The following CNOT1 variants were observed in gnomAD, a reference collection of about 807,000 sequenced individuals.
CNOT1 encodes the protein CCR4-NOT transcription complex subunit 1.
A neutral mutation model predicts 273.8 loss-of-function variants in CNOT1; 15 were observed. That is an observed-to-expected ratio of 0.05 (90% CI 0.04 to 0.08). CNOT1 has a LOEUF of 0.08. Ranked by LOEUF, CNOT1 falls within the 10% of genes least tolerant of loss-of-function variation. The pLI is 1.00. For synonymous variants in CNOT1, 1,022 were observed against 1,005.5 expected (o/e 1.02, Z -0.31); for missense variants, 1,644 against 2,912.2 (o/e 0.56, Z 10.02).
intron 17 of CNOT1, 24 bp from the exon 18 acceptor site, chr16:58,558,698 G>T (rs1255001962): frequency 6.2e-7 from 1 of 1,604,818 alleles, no homozygotes; most frequent in Non-Finnish European, 8.5e-7. Flanking sequence ...TTATAAAAAT[G>T]TATTAAACAT....
intron 1 of CNOT1, among the ~76,000 whole-genome samples, chr16:58,608,753 A>G (rs112460469): frequency 6.6e-6 from 1 of 152,192 alleles, no homozygotes; most frequent in Non-Finnish European, 1.5e-5. Flanking sequence ...AAACTGTGGT[A>G]TATATATACA....
intron 2 of CNOT1, among the ~76,000 whole-genome samples, chr16:58,598,801 C>A (rs537619408): frequency 1.4e-4 from 21 of 152,160 alleles, no homozygotes; most frequent in African/African-American, 4.3e-4. Context: ...GTGGCTCACG[C>A]CTGTAATCCC....
At chr16:58,593,589 C>G (rs142657407) in intron 2 of CNOT1, among the ~76,000 whole-genome samples, 2,222 of 148,710 alleles carry the variant, frequency 0.015, 45 homozygotes, top group African/African-American at 0.052. Flanking sequence ...AAAAAGTTAG[C>G]CAGGCATGGT....
At chr16:58,580,998 AGGG>A (rs1158431892) in intron 11 of CNOT1, among the ~76,000 whole-genome samples, 1 of 28,522 alleles carries the variant, frequency 3.5e-5, no homozygotes, top group African/African-American at 2.0e-4. Flanking sequence ...TGAGCCAATT[AGGG>A]AAACTTAACG....
chr16:58,552,674 T>C (rs940246779), intron 22 of CNOT1, among the ~76,000 whole-genome samples: 1 of 152,198 alleles, frequency 6.6e-6, no homozygotes, highest in Non-Finnish European at 1.5e-5. Flanking sequence ...TAGAGAACAC[T>C]GAACTAAATT....
intron 1 of CNOT1, among the ~76,000 whole-genome samples, chr16:58,602,702 G>C (rs2042518571): frequency 6.6e-6 from 1 of 151,578 alleles, no homozygotes; most frequent in South Asian, 2.1e-4. Flanking sequence ...CCTCACTCCA[G>C]CCTGGGCAAC....
At chr16:58,572,349 G>A (rs1240588972) in intron 16 of CNOT1, among the ~76,000 whole-genome samples, 3 of 152,086 alleles carry the variant, frequency 2.0e-5, no homozygotes, top group Admixed American at 6.5e-5. Flanking sequence ...TACAAAGATA[G>A]GCCAGGTGCA....
chr16:58,539,480 C>CACACATACACACACACACACAG (rs1555494953), intron 35 of CNOT1, among the ~76,000 whole-genome samples: 1 of 148,584 alleles, frequency 6.7e-6, no homozygotes, highest in Non-Finnish European at 1.5e-5. Context: ...CACACACACA[C>CACACATACACACACACACACAG]ACACACACAC....
intron 47 of CNOT1, among the ~76,000 whole-genome samples, chr16:58,521,674 C>T (rs558424422): frequency 1.1e-4 from 17 of 152,228 alleles, no homozygotes; most frequent in South Asian, 2.1e-4. Flanking sequence ...GCTCCCAGGC[C>T]GGGCACAGTG....
At chr16:58,618,212 A>AGACT (rs2152043706) in intron 1 of CNOT1, among the ~76,000 whole-genome samples, 1 of 152,090 alleles carries the variant, frequency 6.6e-6, no homozygotes, top group South Asian at 2.1e-4. Context: ...TGAGGTGGGA[A>AGACT]GACTGACTGA....
rs1331337247 is a variant in CNOT1, at chr16:58,560,292, C to T, written c.2050G>A (p.Ala684Thr). 1 of 1,614,090 alleles carries T rather than the reference C, an allele frequency of 6.2e-7. No homozygotes were observed. Among genetic ancestry groups the T allele is most frequent in the East Asian group, 2.2e-5 (1 of 44,884 alleles). Residue 684 changes from alanine (A) to threonine (T), a missense_variant, in exon 17 of 49, where the codon GCC becomes ACC. Coordinates refer to ENST00000317147, the MANE Select transcript of CNOT1 (RefSeq NM_016284.5). The stretch of plus-strand genomic sequence containing the variant: ...ATAACTCCAGGTGGTGGTTGTCTGG[C>T]CTTATTCATAACATTACTGCAATTG... ...VANCSNVMNK[A>T]RQPPPGVMPK...
At chr16:58,545,555 C>A in intron 29 of CNOT1, 64 bp from the exon 30 acceptor site, 2 of 1,599,424 alleles carry the variant, frequency 1.3e-6, no homozygotes, top group Non-Finnish European at 1.7e-6. Flanking sequence ...ATAAAATTAG[C>A]TTAATATCAT....
intron 28 of CNOT1, 29 bp downstream of exon 28, chr16:58,546,643 T>C (rs779958290): frequency 3.1e-6 from 5 of 1,613,818 alleles, no homozygotes; most frequent in Non-Finnish European, 4.2e-6. Flanking sequence ...GCAAAGAATG[T>C]TCCAGAGGAC....
chr16:58,570,316 T>C (rs970558849), intron 16 of CNOT1, among the ~76,000 whole-genome samples: 1 of 152,100 alleles, frequency 6.6e-6, no homozygotes, highest in Admixed American at 6.5e-5. Flanking sequence ...CACAGGTAAA[T>C]ACAAAGGACA....
At chr16:58,543,580 C>G in intron 31 of CNOT1, 27 bp downstream of exon 31, 1 of 1,614,008 alleles carries the variant, frequency 6.2e-7, no homozygotes, top group African/African-American at 1.3e-5. Context: ...ACGTTTTGTA[C>G]CTATACCAAG....
chr16:58,603,195 A>C (rs910626417), intron 1 of CNOT1, among the ~76,000 whole-genome samples: 1 of 152,182 alleles, frequency 6.6e-6, no homozygotes, highest in African/African-American at 2.4e-5. Flanking sequence ...CCTATGGTCT[A>C]TTCTCAACAT....
At chr16:58,582,986 A>G in intron 9 of CNOT1, 70 bp downstream of exon 9, 1 of 1,606,540 alleles carries the variant, frequency 6.2e-7, no homozygotes, top group Non-Finnish European at 8.5e-7. Context: ...ATCATACTGT[A>G]ATTTAATTAA....
At chr16:58,606,150 C>T (rs2042668991) in intron 1 of CNOT1, among the ~76,000 whole-genome samples, 1 of 152,112 alleles carries the variant, frequency 6.6e-6, no homozygotes, top group South Asian at 2.1e-4. Flanking sequence ...CACCTGTAAT[C>T]CTAGCACTTT....
chr16:58,611,247 G>A (rs1306759003), intron 1 of CNOT1, among the ~76,000 whole-genome samples: 7 of 150,384 alleles, frequency 4.7e-5, no homozygotes, highest in Non-Finnish European at 8.9e-5. Context: ...TGGGCAATAC[G>A]GTGAAACCCT....
Sources: gnomAD v4.1 joint callset for allele counts (sites outside exome capture counted in the v4.1 genomes callset) on GRCh38, gnomAD v4.1.1 for gene constraint, MANE v1.5 for transcripts, NCBI Gene and HGNC (gene_info 2026-07-23, HGNC 2026-07-21) for gene names.